LRRTM4: variants seen among roughly 807,000 people sequenced by gnomAD.
LRRTM4 encodes leucine-rich repeat transmembrane neuronal protein 4.
Under a neutral mutation model 47.6 loss-of-function variants are expected in LRRTM4, and 25 were observed. The observed-to-expected ratio is 0.53, with a 90% confidence interval of 0.38 to 0.73. LRRTM4 has a LOEUF of 0.73. Ranked by LOEUF, LRRTM4 falls within the 30% of genes least tolerant of loss-of-function variation. The pLI is 0.00. For synonymous variants in LRRTM4, 311 were observed against 269.5 expected (o/e 1.15, Z -1.51); for missense variants, 638 against 713.4 (o/e 0.89, Z 1.20).
At chr2:76,873,402 A>G (rs1672682867) in intron 3 of LRRTM4, among the ~76,000 whole-genome samples, 1 of 150,586 alleles carries the variant, frequency 6.6e-6, no homozygotes, top group Non-Finnish European at 1.5e-5. Flanking sequence ...TATAGTCTGT[A>G]TATGTATATA....
rs545827639 is a variant in LRRTM4 at position 77,140,918 on chromosome 2, T to A, written c.1551+377400A>T. Among the ~76,000 whole-genome samples, 330 of 152,138 alleles carry A rather than the reference T, an allele frequency of 2.2e-3. 6 individuals are homozygous for A. Among genetic ancestry groups the A allele is most frequent in the African/African-American group, 7.3e-3 (303 of 41,498 alleles). On this transcript the variant is annotated intron_variant, in intron 3 of 3. Transcript: ENST00000409884. ...AGAGAAATGAAAATCAAAACCACAGTGAGATACCATCTCACACCAGTTAGA... is the reference window on the plus strand; with the variant it reads ...AGAGAAATGAAAATCAAAACCACAGAGAGATACCATCTCACACCAGTTAGA...
intron 3 of LRRTM4, among the ~76,000 whole-genome samples, chr2:77,300,977 A>C (rs999378587): frequency 6.6e-6 from 1 of 152,014 alleles, no homozygotes; most frequent in Non-Finnish European, 1.5e-5. Context: ...ACTTTAAATG[A>C]CTCTAGATAG....
chr2:77,197,288 C>T (rs1054084215), intron 3 of LRRTM4, among the ~76,000 whole-genome samples: 2 of 152,022 alleles, frequency 1.3e-5, no homozygotes, highest in African/African-American at 4.8e-5. Flanking sequence ...ATATTGAGGA[C>T]ATGCAGGAAA....
At chr2:77,391,037 C>T (rs192209120) in intron 3 of LRRTM4, among the ~76,000 whole-genome samples, 26 of 151,974 alleles carry the variant, frequency 1.7e-4, no homozygotes, top group Non-Finnish European at 1.3e-4. Flanking sequence ...TTTTGGGGAG[C>T]ATGACCCACT....
At chr2:77,195,910 A>G (rs1287678196) in intron 3 of LRRTM4, among the ~76,000 whole-genome samples, 1 of 152,242 alleles carries the variant, frequency 6.6e-6, no homozygotes, top group South Asian at 2.1e-4. Context: ...TAGAAGAGGT[A>G]GTATTTAAAA....
At chr2:77,370,485 C>T (rs940661675) in intron 3 of LRRTM4, among the ~76,000 whole-genome samples, 2 of 151,460 alleles carry the variant, frequency 1.3e-5, no homozygotes, top group Non-Finnish European at 3.0e-5. Context: ...TTTCATTTCT[C>T]AGTGGCTTCA....
chr2:77,083,476 T>C (rs1343472505), intron 3 of LRRTM4, among the ~76,000 whole-genome samples: 2 of 152,272 alleles, frequency 1.3e-5, no homozygotes, highest in East Asian at 3.9e-4. Context: ...CCATTGATTT[T>C]AACAGTGGAA....
chr2:76,932,676 T>A (rs1253770593), intron 3 of LRRTM4, among the ~76,000 whole-genome samples: 1 of 152,094 alleles, frequency 6.6e-6, no homozygotes, highest in Non-Finnish European at 1.5e-5. Flanking sequence ...TTCTAAATAT[T>A]TGTATATATA....
rs529728597 is a variant in LRRTM4 at position 76,892,634 on chromosome 2, G to T, written c.1552-143718C>A. Among the ~76,000 whole-genome samples, 614 of 151,686 alleles carry T rather than the reference G, an allele frequency of 4.0e-3. 6 individuals carry two copies. Among genetic ancestry groups the T allele is most frequent in the African/African-American group, 0.013 (546 of 41,454 alleles). ...GGAACCATAGAATGAATGTTAATAGGTTTAATTTTCAGGAAAATAATAATC... is the reference window on the plus strand; with the variant it reads ...GGAACCATAGAATGAATGTTAATAGTTTTAATTTTCAGGAAAATAATAATC... On this transcript the variant is annotated intron_variant, in intron 3 of 3. Transcript: ENST00000409884.
intron 3 of LRRTM4, among the ~76,000 whole-genome samples, chr2:76,798,439 G>A (rs201459612): frequency 0.087 from 12,840 of 148,318 alleles, 642 homozygotes; most frequent in East Asian, 0.28. Flanking sequence ...TCTCTGGGAC[G>A]CATTCAAAGC....
intron 3 of LRRTM4, among the ~76,000 whole-genome samples, chr2:77,089,037 A>T (rs1282339652): frequency 2.0e-5 from 3 of 151,902 alleles, no homozygotes; most frequent in Non-Finnish European, 4.4e-5. Context: ...TTGGTGTTTA[A>T]TCACTGCAGG....
At chr2:77,395,869 C>A (rs538898107) in intron 3 of LRRTM4, among the ~76,000 whole-genome samples, 1 of 151,936 alleles carries the variant, frequency 6.6e-6, no homozygotes, top group Non-Finnish European at 1.5e-5. Context: ...ACATCAGCTA[C>A]TCTCCTTTGA....
At chr2:77,233,102 G>C (rs146443934) in intron 3 of LRRTM4, among the ~76,000 whole-genome samples, 1,756 of 152,262 alleles carry the variant, frequency 0.012, 34 homozygotes, top group African/African-American at 0.04. Flanking sequence ...TCACACATAA[G>C]AAATCTACTT....
chr2:76,825,624 T>C (rs1671170134), intron 3 of LRRTM4, among the ~76,000 whole-genome samples: 1 of 151,550 alleles, frequency 6.6e-6, no homozygotes, highest in Admixed American at 6.6e-5. Flanking sequence ...GACAGCTAAA[T>C]AGAGATGTCA....
chr2:77,261,128 A>G (rs2104040414), intron 3 of LRRTM4, among the ~76,000 whole-genome samples: 1 of 152,184 alleles, frequency 6.6e-6, no homozygotes, highest in East Asian at 1.9e-4. Flanking sequence ...AGCACAGAAT[A>G]TTAAGCAGAG....
At chr2:77,450,285 GCA>G (rs138889433) in intron 3 of LRRTM4, among the ~76,000 whole-genome samples, 5,567 of 143,212 alleles carry the variant, frequency 0.039, 140 homozygotes, top group East Asian at 0.14. Flanking sequence ...TCTCTGTCAT[GCA>G]CACACACACA....
At chr2:76,866,735 C>A (rs1179080686) in intron 3 of LRRTM4, among the ~76,000 whole-genome samples, 1 of 152,110 alleles carries the variant, frequency 6.6e-6, no homozygotes. Context: ...TTTCTTTACC[C>A]AGTCTATCAT....
At chr2:77,073,343 C>T (rs879138864) in intron 3 of LRRTM4, among the ~76,000 whole-genome samples, 2 of 151,988 alleles carry the variant, frequency 1.3e-5, no homozygotes, top group Admixed American at 1.3e-4. Context: ...AAATACTATC[C>T]AATTCTTCTT....
intron 3 of LRRTM4, among the ~76,000 whole-genome samples, chr2:77,225,516 G>A (rs1573105247): frequency 6.6e-6 from 1 of 151,736 alleles, no homozygotes; most frequent in African/African-American, 2.4e-5. Context: ...CCATTTTTCT[G>A]TGCCTCCATA....
Sources: gnomAD v4.1 joint callset for allele counts (sites outside exome capture counted in the v4.1 genomes callset) on GRCh38, gnomAD v4.1.1 for gene constraint, MANE v1.5 for transcripts, NCBI Gene and HGNC (gene_info 2026-07-23, HGNC 2026-07-21) for gene names.